Variants in NAV3 observed in about 807,000 individuals in gnomAD.
NAV3 encodes pore membrane and/or filament interacting like protein 1.
Under a neutral mutation model 244.7 loss-of-function variants are expected in NAV3, and 87 were observed. The observed-to-expected ratio is 0.36, with a 90% confidence interval of 0.30 to 0.42. The LOEUF (loss-of-function observed/expected upper bound fraction) is 0.42, where lower values mean the gene tolerates loss of function less well. Among genes scored for constraint, NAV3 ranks in the 20% least tolerant of loss-of-function variants. The pLI is 1.00. For missense variants in NAV3, 2,663 were observed against 2,893.3 expected (o/e 0.92, Z 1.83); for synonymous variants, 1,126 against 1,042.2 (o/e 1.08, Z -1.55).
At chr12:78,125,421 C>A (rs1261045755) in intron 16 of NAV3, among the ~76,000 whole-genome samples, 1 of 152,140 alleles carries the variant, frequency 6.6e-6, no homozygotes, top group Non-Finnish European at 1.5e-5. Flanking sequence ...TCTTCTGCAG[C>A]TGCTCTAGGT....
At chr12:77,732,715 C>A (rs112090579) in intron 2 of NAV3, among the ~76,000 whole-genome samples, 11,362 of 152,042 alleles carry the variant, frequency 0.075, 549 homozygotes, top group Non-Finnish European at 0.11. Context: ...GGTCACTGAG[C>A]AAGTGAGCAG....
At chr12:78,008,457 G>A (rs1469809173) in intron 8 of NAV3, among the ~76,000 whole-genome samples, 1 of 152,136 alleles carries the variant, frequency 6.6e-6, no homozygotes, top group Non-Finnish European at 1.5e-5. Flanking sequence ...TGGTTGGTAA[G>A]GAGATGGCCT....
intron 3 of NAV3, among the ~76,000 whole-genome samples, chr12:77,957,090 G>A (rs985148025): frequency 1.3e-5 from 2 of 152,136 alleles, no homozygotes; most frequent in African/African-American, 4.8e-5. Flanking sequence ...AGCTTTCTCT[G>A]TATCTGTAGT....
chr12:77,677,883 C>G (rs564738650), intron 2 of NAV3, among the ~76,000 whole-genome samples: 1 of 152,160 alleles, frequency 6.6e-6, no homozygotes, highest in Admixed American at 6.6e-5. Flanking sequence ...ATTGCTGAGA[C>G]TGCCTGCTTT....
intron 1 of NAV3, among the ~76,000 whole-genome samples, chr12:77,879,353 G>A (rs1413356195): frequency 6.6e-6 from 1 of 151,972 alleles, no homozygotes; most frequent in Non-Finnish European, 1.5e-5. Context: ...GGCTATATAG[G>A]CTGAATTATA....
chr12:77,975,326 A>G (rs1868297464), intron 5 of NAV3, among the ~76,000 whole-genome samples: 1 of 152,196 alleles, frequency 6.6e-6, no homozygotes, highest in African/African-American at 2.4e-5. Context: ...GTCACTGGAG[A>G]TATGCAGAAG....
intron 12 of NAV3, among the ~76,000 whole-genome samples, chr12:78,059,578 C>T (rs867959499): frequency 8.5e-5 from 13 of 152,114 alleles, no homozygotes; most frequent in South Asian, 2.1e-4. Context: ...TGAGCCTCTA[C>T]GCCCCGCCTA....
At chr12:78,111,709 A>C (rs957085357) in intron 12 of NAV3, among the ~76,000 whole-genome samples, 1 of 152,102 alleles carries the variant, frequency 6.6e-6, no homozygotes, top group Non-Finnish European at 1.5e-5. Flanking sequence ...TTATTCACCC[A>C]AAATATATGT....
At chr12:78,084,656 T>G (rs1217933684) in intron 12 of NAV3, among the ~76,000 whole-genome samples, 2 of 152,082 alleles carry the variant, frequency 1.3e-5, no homozygotes, top group African/African-American at 2.4e-5. Flanking sequence ...AAAGTTACCT[T>G]GCTATCATCA....
At chr12:78,147,032 T>A (rs1188954102) in intron 21 of NAV3, among the ~76,000 whole-genome samples, 2 of 152,226 alleles carry the variant, frequency 1.3e-5, no homozygotes, top group East Asian at 1.9e-4. Flanking sequence ...AGGTAATGGC[T>A]GTTTGATTGG....
chr12:77,596,910 G>C (rs1870196362), intron 2 of NAV3, among the ~76,000 whole-genome samples: 1 of 152,040 alleles, frequency 6.6e-6, no homozygotes, highest in Admixed American at 6.6e-5. Flanking sequence ...ATGGTGGAGA[G>C]GGGTACAATA....
At chr12:77,657,250 C>A (rs1321758156) in intron 2 of NAV3, among the ~76,000 whole-genome samples, 1 of 152,030 alleles carries the variant, frequency 6.6e-6, no homozygotes, top group Non-Finnish European at 1.5e-5. Context: ...ATCAACTAGA[C>A]GCAATAAAAA....
At chr12:77,880,810 G>A (rs1477177237) in intron 1 of NAV3, among the ~76,000 whole-genome samples, 1 of 152,088 alleles carries the variant, frequency 6.6e-6, no homozygotes, top group African/African-American at 2.4e-5. Context: ...ATGTCACAGA[G>A]CCTCGGTGTG....
chr12:78,077,706 G>A (rs1953122287), intron 12 of NAV3, among the ~76,000 whole-genome samples: 1 of 152,186 alleles, frequency 6.6e-6, no homozygotes, highest in Non-Finnish European at 1.5e-5. Context: ...GGGAGACTGA[G>A]GCGGGTAGAT....
chr12:78,198,739 AG>A, intron 36 of NAV3, 63 bp downstream of exon 36: 1 of 308,750 alleles, frequency 3.2e-6, no homozygotes, highest in Non-Finnish European at 6.6e-6. Flanking sequence ...GGGGCAGGGG[AG>A]GGGGTTGGCA....
intron 2 of NAV3, among the ~76,000 whole-genome samples, chr12:77,716,002 A>T (rs889489769): frequency 1.3e-5 from 2 of 152,000 alleles, no homozygotes; most frequent in Non-Finnish European, 2.9e-5. Flanking sequence ...AAGGAAAGTC[A>T]TTTACTTCTC....
At chr12:77,726,210 T>C (rs11106443) in intron 2 of NAV3, among the ~76,000 whole-genome samples, 2 of 152,086 alleles carry the variant, frequency 1.3e-5, no homozygotes, top group East Asian at 3.9e-4. Context: ...ATGTGTGTAA[T>C]TTGTTTAGCA....
At chr12:78,116,993 C>G (rs2138526761) in intron 13 of NAV3, 89 bp downstream of exon 13, 1 of 1,402,358 alleles carries the variant, frequency 7.1e-7, no homozygotes, top group Non-Finnish European at 9.7e-7. Context: ...AGCACAAGCC[C>G]TTAATCCAAA....
intron 12 of NAV3, among the ~76,000 whole-genome samples, chr12:78,092,959 T>G (rs1593547624): frequency 6.6e-6 from 1 of 152,308 alleles, no homozygotes; most frequent in Admixed American, 6.5e-5. Flanking sequence ...TATTAGCTGG[T>G]TGGTTGTTTA....
Sources: allele counts gnomAD v4.1 joint callset (sites outside exome capture counted in the v4.1 genomes callset), GRCh38; gene constraint gnomAD v4.1.1; transcripts MANE v1.5; gene names NCBI Gene and HGNC (gene_info 2026-07-23, HGNC 2026-07-21).